The following VPS8 variants were observed in gnomAD, a reference collection of about 807,000 sequenced individuals.
VPS8 encodes VPS8 subunit of CORVET complex.
Under a neutral mutation model 216.4 loss-of-function variants are expected in VPS8, and 129 were observed. That is an observed-to-expected ratio of 0.60 (90% confidence interval 0.52 to 0.69). The LOEUF (loss-of-function observed/expected upper bound fraction) is 0.69. Among genes scored for constraint, VPS8 ranks in the 30% least tolerant of loss-of-function variants. The pLI is 0.00. For synonymous variants in VPS8, 571 were observed against 565.4 expected (o/e 1.01, Z -0.14); for missense variants, 1,531 against 1,683.5 (o/e 0.91, Z 1.59).
intron 46 of VPS8, among the ~76,000 whole-genome samples, chr3:185,045,227 T>C (rs964533445): frequency 2.1e-5 from 1 of 47,364 alleles, no homozygotes; most frequent in African/African-American, 9.4e-5. Flanking sequence ...TCTTCTCATG[T>C]GTTAGTGTAG....
At chr3:185,026,988 C>T (rs1200301230) in intron 46 of VPS8, among the ~76,000 whole-genome samples, 7 of 151,874 alleles carry the variant, frequency 4.6e-5, no homozygotes, top group East Asian at 3.9e-4. Context: ...GGATTACAGG[C>T]GTGAGCCACC....
At chr3:185,043,166 G>A (rs1712073078) in intron 46 of VPS8, among the ~76,000 whole-genome samples, 1 of 152,142 alleles carries the variant, frequency 6.6e-6, no homozygotes, top group South Asian at 2.1e-4. Context: ...AGCACCTTAT[G>A]TTTGTCACTA....
intron 15 of VPS8, among the ~76,000 whole-genome samples, chr3:184,860,692 G>A (rs1726189167): frequency 1.3e-5 from 2 of 152,050 alleles, no homozygotes; most frequent in African/African-American, 4.8e-5. Flanking sequence ...TGCTTTCTCT[G>A]TAAAACATTT....
chr3:184,860,861 G>C (rs1258993093), intron 15 of VPS8, among the ~76,000 whole-genome samples: 1 of 148,094 alleles, frequency 6.8e-6, no homozygotes, highest in African/African-American at 2.5e-5. Flanking sequence ...TTGCTCTGTA[G>C]CCCAGGCTGG....
At chr3:184,988,847 C>A (rs1239668313) in intron 42 of VPS8, among the ~76,000 whole-genome samples, 2 of 152,102 alleles carry the variant, frequency 1.3e-5, no homozygotes, top group African/African-American at 4.8e-5. Flanking sequence ...TTACAGTTTT[C>A]TTCATACAAA....
intron 5 of VPS8, among the ~76,000 whole-genome samples, chr3:184,837,830 C>G (rs1251388636): frequency 6.6e-6 from 1 of 152,184 alleles, no homozygotes; most frequent in Non-Finnish European, 1.5e-5. Flanking sequence ...CTGCCACTTA[C>G]CAAGTACCCT....
intron 1 of VPS8, among the ~76,000 whole-genome samples, chr3:184,813,011 C>G (rs1450450946): frequency 3.3e-5 from 5 of 152,166 alleles, no homozygotes; most frequent in Non-Finnish European, 7.3e-5. Flanking sequence ...GAGGCTACTC[C>G]TGTGCCTTGG....
At chr3:184,839,354 G>C in intron 6 of VPS8, 1 of 236,062 alleles carries the variant, frequency 4.2e-6, no homozygotes, top group Non-Finnish European at 8.1e-6. Context: ...TGCCTCGTAG[G>C]AAGCTCTAGG....
chr3:185,024,941 G>A (rs1757141354), intron 46 of VPS8, among the ~76,000 whole-genome samples: 1 of 151,860 alleles, frequency 6.6e-6, no homozygotes, highest in Non-Finnish European at 1.5e-5. Flanking sequence ...GGCGGAGGTT[G>A]CAGTGAGTCA....
At chr3:184,920,061 A>T in intron 28 of VPS8, 66 bp from the exon 29 acceptor site, 1 of 1,120,420 alleles carries the variant, frequency 8.9e-7, no homozygotes, top group Non-Finnish European at 1.3e-6. Context: ...ACAAGAATTT[A>T]ATAACTTGTT....
intron 8 of VPS8, among the ~76,000 whole-genome samples, chr3:184,847,088 T>C (rs1171095163): frequency 1.3e-5 from 2 of 152,248 alleles, no homozygotes; most frequent in African/African-American, 4.8e-5. Flanking sequence ...ATAAAGACAG[T>C]AACTTTTAAA....
In VPS8 at chr3:184,940,253, C is replaced by T. The variant is rs1742412887; in HGVS notation, c.3035+10C>T. The T allele has an allele frequency of 3.7e-6, 5 of 1,351,578 alleles. No individual in the cohort carries two copies. Among genetic ancestry groups the T allele is most frequent in the Non-Finnish European group, 4.9e-6 (5 of 1,021,566 alleles). The allele number at this position is 1,351,578 out of a possible 1,614,324, so 83.7% of individuals were successfully genotyped here. ...GTCTTCTTGACCCAAGGTATGTTGA[C>T]AAACTTTAGTCTTTCATTATATATA... On this transcript the variant is annotated intron_variant, in intron 36 of 47. Transcript: ENST00000625842.
chr3:185,014,118 C>T (rs915997415), intron 45 of VPS8, among the ~76,000 whole-genome samples: 2 of 151,924 alleles, frequency 1.3e-5, no homozygotes, highest in African/African-American at 4.8e-5. Context: ...ATAAATATGC[C>T]CAATAAGTAT....
chr3:185,002,717 C>T (rs1274570894), intron 45 of VPS8, among the ~76,000 whole-genome samples: 2 of 152,184 alleles, frequency 1.3e-5, no homozygotes, highest in East Asian at 3.9e-4. Flanking sequence ...GTTTTCCATT[C>T]CTGAGTTACT....
intron 46 of VPS8, among the ~76,000 whole-genome samples, chr3:185,039,566 T>G (rs894427224): frequency 6.6e-6 from 1 of 152,058 alleles, no homozygotes; most frequent in Non-Finnish European, 1.5e-5. Context: ...TATTATAAAT[T>G]GACTAACAGG....
chr3:184,963,112 C>T (rs1217934256), intron 37 of VPS8, among the ~76,000 whole-genome samples: 1 of 152,110 alleles, frequency 6.6e-6, no homozygotes, highest in Admixed American at 6.6e-5. Flanking sequence ...AAAGAATCCT[C>T]CCTCCTTATT....
chr3:184,904,362 A>G (rs1425087863), intron 25 of VPS8, among the ~76,000 whole-genome samples: 7 of 152,170 alleles, frequency 4.6e-5, no homozygotes, highest in Non-Finnish European at 8.8e-5. Context: ...GGTCTTAGCC[A>G]TTTGATGAAG....
At position 184,864,224 on chromosome 3, in the gene VPS8, C is replaced by T. The variant is rs538877908; in HGVS notation, c.1395+1157C>T. Among the ~76,000 whole-genome samples the T allele has an allele frequency of 4.6e-5, 7 of 152,248 alleles. No homozygotes were observed. The East Asian group carries it at 1.4e-3, about 29-fold the overall frequency. On this transcript the variant is annotated intron_variant, in intron 16 of 47. Coordinates refer to ENST00000625842, the MANE Select transcript of VPS8 (RefSeq NM_001009921.3). Reference sequence around the variant, plus strand: ...GACACTGGACATCTGTAGTGATGGACAGCAATCTCTCACCAAATGGGGAAC... The same window carrying T: ...GACACTGGACATCTGTAGTGATGGATAGCAATCTCTCACCAAATGGGGAAC...
At chr3:184,926,104 G>C (rs551363580) in intron 30 of VPS8, among the ~76,000 whole-genome samples, 2 of 149,250 alleles carry the variant, frequency 1.3e-5, no homozygotes, top group Non-Finnish European at 3.0e-5. Flanking sequence ...GGCCGGATGC[G>C]ATGGCTCACG....
Sources: gnomAD v4.1 joint callset for allele counts (sites outside exome capture counted in the v4.1 genomes callset) on GRCh38, gnomAD v4.1.1 for gene constraint, MANE v1.5 for transcripts, NCBI Gene and HGNC (gene_info 2026-07-23, HGNC 2026-07-21) for gene names.